Variants in TASOR observed in about 807,000 individuals in gnomAD.
TASOR encodes the protein transcription activation suppressor, also known as protein TASOR.
A neutral mutation model predicts 178.6 loss-of-function variants in TASOR; 53 were observed. The observed-to-expected ratio is 0.30, with a 90% CI of 0.24 to 0.37. The LOEUF (loss-of-function observed/expected upper bound fraction) is 0.37. Among genes scored for constraint, TASOR ranks in the 10% least tolerant of loss-of-function variants. The pLI is 1.00. For synonymous variants in TASOR, 713 were observed against 696.2 expected, an observed-to-expected ratio of 1.02 and a Z score of -0.38; for missense variants, 1,815 against 1,971.4, an observed-to-expected ratio of 0.92 and a Z score of 1.50.
chr3:56,671,582 T>TA lies in TASOR; in HGVS notation c.570+17dup, dbSNP rs560689445. 2.8e-3 allele frequency: 4,213 copies of TA among 1,516,856 alleles called. 157 individuals carry two copies. The South Asian group carries it at 0.051, about 18-fold the overall frequency. 94.0% of individuals were successfully genotyped at this position (1,516,856 alleles called of 1,614,324 possible). On this transcript the variant is annotated intron_variant, in intron 3 of 23. Coordinates refer to ENST00000683822, the MANE Select transcript of TASOR (RefSeq NM_001365635.2). ...GGAAACATCCCCAAATTGTTTTTTA[T>TA]AAAATGCGTTAACTCACCTGGTATC...
At chr3:56,681,769 T>C in intron 1 of TASOR, among the ~76,000 whole-genome samples, 1 of 152,232 alleles carries the variant, frequency 6.6e-6, no homozygotes, top group East Asian at 1.9e-4. Context: ...AAAACGATAC[T>C]AATTTTGACC....
chr3:56,643,450 C>A (rs1391589439), intron 14 of TASOR, among the ~76,000 whole-genome samples: 2 of 151,684 alleles, frequency 1.3e-5, no homozygotes, highest in Non-Finnish European at 2.9e-5. Context: ...ACCACCAAAT[C>A]AAGATCAGGG....
At chr3:56,652,113 T>C (rs1027200973) in intron 11 of TASOR, among the ~76,000 whole-genome samples, 16 of 152,134 alleles carry the variant, frequency 1.1e-4, no homozygotes, top group African/African-American at 2.7e-4. Context: ...TTATATAAAA[T>C]GTTCAGAGCA....
intron 1 of TASOR, among the ~76,000 whole-genome samples, chr3:56,680,572 A>AG (rs1559859157): frequency 1.1e-5 from 1 of 88,024 alleles, no homozygotes; most frequent in East Asian, 2.3e-3. Context: ...ACTGTTTTTG[A>AG]ATTTTTTTAA....
chr3:56,678,384 C>T (rs2031508546), intron 1 of TASOR, among the ~76,000 whole-genome samples: 1 of 151,464 alleles, frequency 6.6e-6, no homozygotes, highest in Admixed American at 6.6e-5. Flanking sequence ...GGTTTCACCA[C>T]GTTGGCCAGG....
At chr3:56,666,237 T>A in intron 7 of TASOR, 23 bp downstream of exon 7, 1 of 1,515,456 alleles carries the variant, frequency 6.6e-7, no homozygotes, top group Non-Finnish European at 8.8e-7. Context: ...CTGCGGATGA[T>A]GTCTAAAACT....
chr3:56,674,674 A>C (rs2107636911), intron 1 of TASOR, among the ~76,000 whole-genome samples: 1 of 152,310 alleles, frequency 6.6e-6, no homozygotes, highest in Non-Finnish European at 1.5e-5. Context: ...GCTTGGAGTA[A>C]AATGCAGGTA....
intron 14 of TASOR, among the ~76,000 whole-genome samples, chr3:56,645,642 C>T (rs377199019): frequency 1.7e-4 from 26 of 152,176 alleles, no homozygotes; most frequent in African/African-American, 5.3e-4. Flanking sequence ...TTAAAACAAG[C>T]GCCTTACATG....
At position 56,641,527 on chromosome 3, in the gene TASOR, T is replaced by C. The variant is rs1163564767; in HGVS notation, c.2441A>G (p.Tyr814Cys). The stretch of plus-strand genomic sequence containing the variant: ...CTTATCTGGGGTAGAGTTCAACTCA[T>C]ACTCATGTTTTTGCCTCAGCTCTTC... ...AYEELRQKHE[Y>C]ELNSTPDKKD... is the part of the protein sequence containing the mutation. The change falls in exon 15 of 24, where the codon TAT becomes TGT. Residue 814 changes from tyrosine to cysteine, a missense_variant. Around this residue, in one of 5 missense-constraint regions of TASOR, gnomAD observed 655 missense variants for 671.1 expected, o/e 0.98. Transcript: ENST00000683822. 6.2e-7 allele frequency: 1 copy of C among 1,614,214 alleles called. No individual in the cohort carries two copies.
Position 56,641,528 on chromosome 3 carries a change from A to C in TASOR, c.2440T>G (p.Tyr814Asp). The C allele has an allele frequency of 6.2e-7, 1 of 1,614,102 alleles. No homozygotes were observed. The highest frequency in any genetic ancestry group is 1.6e-4 in the Middle Eastern group (1 of 6,062). The stretch of plus-strand genomic sequence containing the variant: ...TTATCTGGGGTAGAGTTCAACTCAT[A>C]CTCATGTTTTTGCCTCAGCTCTTCA... ...AYEELRQKHE[Y>D]ELNSTPDKKD... The change falls in exon 15 of 24, where the codon TAT becomes GAT. Residue 814 changes from tyrosine (Y) to aspartate (D), a missense_variant. Around this residue, in one of 5 missense-constraint regions of TASOR, gnomAD observed 655 missense variants for 671.1 expected, o/e 0.98. Coordinates refer to ENST00000683822, the MANE Select transcript of TASOR (RefSeq NM_001365635.2).
chr3:56,643,394 G>T (rs185799034), intron 14 of TASOR, among the ~76,000 whole-genome samples: 1 of 152,212 alleles, frequency 6.6e-6, no homozygotes, highest in African/African-American at 2.4e-5. Flanking sequence ...GTTACAAGGG[G>T]TGGTGGGAAT....
At chr3:56,626,787 T>G (rs1030647039) in intron 21 of TASOR, among the ~76,000 whole-genome samples, 1 of 152,152 alleles carries the variant, frequency 6.6e-6, no homozygotes, top group Non-Finnish European at 1.5e-5. Context: ...TTTGGATGAT[T>G]ACTCTAAATC....
rs112262362 is a variant in TASOR at position 56,678,435 on chromosome 3, C to T, written c.331+4241G>A. Among the ~76,000 whole-genome samples, 1,024 of 151,928 alleles carry T rather than the reference C, an allele frequency of 6.7e-3. 9 individuals carry two copies. Among genetic ancestry groups the T allele is most frequent in the African/African-American group, 0.021 (879 of 41,456 alleles). ...TGACCTCGTGATTCGCCCACCTCGG[C>T]CTCTCAAAGTGCTGGGATTACAGAC... On this transcript the variant is annotated intron_variant, in intron 1 of 23. Coordinates refer to ENST00000683822, the MANE Select transcript of TASOR (RefSeq NM_001365635.2).
intron 17 of TASOR, 46 bp from the exon 18 acceptor site, chr3:56,634,012 A>C (rs959926272): frequency 4.9e-6 from 7 of 1,431,510 alleles, no homozygotes; most frequent in Non-Finnish European, 5.5e-6. Context: ...CAAAAAGATA[A>C]GATATGAAAA....
At chr3:56,674,337 C>A (rs930892548) in intron 1 of TASOR, among the ~76,000 whole-genome samples, 1 of 146,534 alleles carries the variant, frequency 6.8e-6, no homozygotes, top group Non-Finnish European at 1.5e-5. Flanking sequence ...CCTGTCTCTA[C>A]AAACCATTAA....
At chr3:56,642,521 T>C (rs549962772) in intron 14 of TASOR, among the ~76,000 whole-genome samples, 20 of 152,308 alleles carry the variant, frequency 1.3e-4, no homozygotes, top group African/African-American at 4.6e-4. Context: ...GAGTATAATG[T>C]ACCACAACAA....
intron 19 of TASOR, among the ~76,000 whole-genome samples, chr3:56,628,160 G>A (rs80287546): frequency 0.026 from 4,007 of 152,294 alleles, 95 homozygotes; most frequent in African/African-American, 0.061. Flanking sequence ...AAGGGGACTG[G>A]TCTGGCAAAG....
At chr3:56,636,876 A>G (rs1190006864) in intron 17 of TASOR, among the ~76,000 whole-genome samples, 1 of 152,130 alleles carries the variant, frequency 6.6e-6, no homozygotes, top group Non-Finnish European at 1.5e-5. Flanking sequence ...TCTGAAGCAT[A>G]AGAAAGATAA....
intron 1 of TASOR, among the ~76,000 whole-genome samples, chr3:56,678,620 T>C (rs1361987388): frequency 6.6e-6 from 1 of 152,228 alleles, no homozygotes; most frequent in Non-Finnish European, 1.5e-5. Context: ...TTAAGGCAGA[T>C]CTTTTTGTAT....
Sources: gnomAD v4.1 joint callset for allele counts (sites outside exome capture counted in the v4.1 genomes callset) on GRCh38, gnomAD v4.1.1 for gene constraint, gnomAD v4.1.1 regional missense constraint, MANE v1.5 for transcripts, NCBI Gene and HGNC (gene_info 2026-07-23, HGNC 2026-07-21) for gene names.